Variants in CSNK1G1 observed in about 807,000 individuals in gnomAD.
CSNK1G1 encodes the protein casein kinase 1 gamma 1, also known as casein kinase I isoform gamma-1.
A neutral mutation model predicts 59.6 loss-of-function variants in CSNK1G1; 22 were observed. The ratio of observed to expected loss-of-function variants is 0.37; its 90% CI spans 0.26 to 0.53. The LOEUF is 0.53. Ranked by LOEUF, CSNK1G1 falls within the 20% of genes least tolerant of loss-of-function variation. The probability of loss-of-function intolerance (pLI) is 0.89; values close to 1 mark genes in which losing one functional copy is unlikely to be tolerated. For synonymous variants in CSNK1G1, 179 were observed against 177.1 expected (o/e 1.01, Z -0.08); for missense variants, 384 against 519.5 (o/e 0.74, Z 2.54).
intron 2 of CSNK1G1, among the ~76,000 whole-genome samples, chr15:64,291,324 C>T (rs529279030): frequency 2.6e-5 from 4 of 152,168 alleles, no homozygotes; most frequent in South Asian, 2.1e-4. Context: ...CAGTGGCTCA[C>T]GCCTGTAATC....
chr15:64,332,530 G>C (rs1315677519), intron 1 of CSNK1G1, among the ~76,000 whole-genome samples: 4 of 95,602 alleles, frequency 4.2e-5, no homozygotes, highest in East Asian at 3.9e-4. Flanking sequence ...GTGATGGGGT[G>C]GGGGGAGGGG....
chr15:64,220,498 A>C lies in CSNK1G1; in HGVS notation c.293-3785T>G, dbSNP rs1350282342. Among the ~76,000 whole-genome samples the C allele has an allele frequency of 6.9e-5, 10 of 144,400 alleles. No homozygotes were observed. The East Asian group carries it at 1.4e-3, about 20-fold the overall frequency. 94.7% of individuals were successfully genotyped at this position (144,400 alleles called of 152,430 possible). On this transcript the variant is annotated intron_variant, in intron 4 of 11. Coordinates refer to ENST00000303052, the MANE Select transcript of CSNK1G1 (RefSeq NM_022048.5). ...AGATGGAAGCAGAAATGAGTGTATA[A>C]CTCTTTTTTTTTTTTTTATTCAGAG... is the stretch of plus-strand genomic sequence containing the variant.
At position 64,341,205 on chromosome 15, in the gene CSNK1G1, C is replaced by CTA. The variant is rs1371505716; in HGVS notation, c.-225+14782_-225+14783insTA. ...TATTTTTAGTAGAGACGGGGTTTCA[C>CTA]CTTGTTAGCCAGGATGGTCTCAATC... On this transcript the variant is annotated intron_variant, in intron 1 of 11. Coordinates refer to ENST00000303052, the MANE Select transcript of CSNK1G1 (RefSeq NM_022048.5). Among the ~76,000 whole-genome samples the CTA allele has an allele frequency of 4.1e-4, 7 of 17,188 alleles. 2 individuals carry two copies. Among genetic ancestry groups the CTA allele is most frequent in the Non-Finnish European group, 2.0e-3 (4 of 2,040 alleles). The allele number at this position is 17,188 out of a possible 152,430, so 11.3% of individuals were successfully genotyped here. A position where few individuals can be genotyped will look rare whatever the true frequency, so the allele number is the denominator to read the frequency against.
intron 4 of CSNK1G1, among the ~76,000 whole-genome samples, chr15:64,245,763 GACAC>G (rs1891717837): frequency 1.3e-5 from 2 of 150,464 alleles, no homozygotes; most frequent in African/African-American, 4.9e-5. Flanking sequence ...AAAAAAAAAA[GACAC>G]ACACACAAAA....
chr15:64,231,254 A>T (rs1386162825), intron 4 of CSNK1G1, among the ~76,000 whole-genome samples: 1 of 149,802 alleles, frequency 6.7e-6, no homozygotes, highest in Admixed American at 6.7e-5. Flanking sequence ...TGAGCCCAGG[A>T]GGTTGAGGCT....
chr15:64,257,790 C>T, intron 3 of CSNK1G1, among the ~76,000 whole-genome samples: 1 of 152,158 alleles, frequency 6.6e-6, no homozygotes, highest in Non-Finnish European at 1.5e-5. Context: ...TCCTAAAGTG[C>T]TTGAATTACA....
chr15:64,227,202 T>C (rs1451209990), intron 4 of CSNK1G1, among the ~76,000 whole-genome samples: 1 of 152,246 alleles, frequency 6.6e-6, no homozygotes. Flanking sequence ...ATTTAAAATG[T>C]GCACGAATAC....
intron 2 of CSNK1G1, among the ~76,000 whole-genome samples, chr15:64,281,163 G>C (rs781204807): frequency 3.9e-5 from 6 of 152,188 alleles, no homozygotes; most frequent in Non-Finnish European, 7.4e-5. Flanking sequence ...ACAGGCATAC[G>C]CCACCATGCC....
chr15:64,218,198 TC>T (rs1211794219), intron 4 of CSNK1G1, among the ~76,000 whole-genome samples: 1 of 152,084 alleles, frequency 6.6e-6, no homozygotes, highest in African/African-American at 2.4e-5. Flanking sequence ...CAATCCTCCC[TC>T]CTTGGCCTCC....
Position 64,166,105 on chromosome 15 carries a change from GAGGC to G in CSNK1G1, c.*5822_*5825del, listed in dbSNP as rs1472186348. The G allele has an allele frequency of 3.3e-6, 2 of 599,652 alleles. No homozygotes were observed. Among genetic ancestry groups the G allele is most frequent in the Non-Finnish European group, 5.9e-6 (2 of 339,870 alleles). 37.1% of individuals were successfully genotyped at this position (599,652 alleles called of 1,614,324 possible). A position where few individuals can be genotyped will look rare whatever the true frequency, so the allele number is the denominator to read the frequency against. On this transcript the variant is annotated 3_prime_UTR_variant, in exon 12 of 12. Coordinates refer to ENST00000303052, the MANE Select transcript of CSNK1G1 (RefSeq NM_022048.5). The surrounding 1 kb of genome is among the most constrained non-coding windows in gnomAD (Gnocchi z 4.5). ...TCTAAAAAAAAAAAAAGTAAAAAAA[GAGGC>G]ATTTAACAATAATCAGACACATCCA...
intron 5 of CSNK1G1, among the ~76,000 whole-genome samples, chr15:64,215,324 T>A (rs572451796): frequency 6.7e-6 from 1 of 149,268 alleles, no homozygotes; most frequent in Non-Finnish European, 1.5e-5. Flanking sequence ...GCCATTCTCC[T>A]GCCTCAGCCT....
intron 2 of CSNK1G1, among the ~76,000 whole-genome samples, chr15:64,271,617 G>A (rs1005971238): frequency 4.6e-5 from 7 of 152,182 alleles, no homozygotes; most frequent in African/African-American, 7.2e-5. Context: ...GTACTGTGGT[G>A]CAAGAATGTG....
intron 1 of CSNK1G1, among the ~76,000 whole-genome samples, chr15:64,326,625 C>T (rs1368467399): frequency 6.6e-6 from 1 of 150,560 alleles, no homozygotes; most frequent in Non-Finnish European, 1.5e-5. Context: ...GCCTGGGTGA[C>T]AGAGCGAAAC....
intron 2 of CSNK1G1, among the ~76,000 whole-genome samples, chr15:64,278,372 A>ATGTGTGTGTGTGTGTGTGTGTG (rs1893884086): frequency 8.4e-6 from 1 of 119,038 alleles, no homozygotes; most frequent in Non-Finnish European, 1.8e-5. Context: ...ATATGCATGT[A>ATGTGTGTGTGTGTGTGTGTGTG]TGTGCGTGTG....
At chr15:64,203,469 G>C (rs1053608006) in intron 9 of CSNK1G1, among the ~76,000 whole-genome samples, 1 of 151,858 alleles carries the variant, frequency 6.6e-6, no homozygotes, top group African/African-American at 2.4e-5. Context: ...AGGCCGAGGT[G>C]AGTGGATCAC....
At chr15:64,330,037 T>G (rs1403696592) in intron 1 of CSNK1G1, among the ~76,000 whole-genome samples, 4 of 148,292 alleles carry the variant, frequency 2.7e-5, no homozygotes, top group Non-Finnish European at 6.0e-5. Flanking sequence ...TAATCAATAG[T>G]TTACCAACCA....
At chr15:64,292,897 C>A (rs1442966245) in intron 2 of CSNK1G1, among the ~76,000 whole-genome samples, 1 of 152,070 alleles carries the variant, frequency 6.6e-6, no homozygotes, top group East Asian at 1.9e-4. Context: ...CACTGCACTC[C>A]AGCCTGGTGA....
chr15:64,326,000 T>C (rs939375254), intron 1 of CSNK1G1, among the ~76,000 whole-genome samples: 6 of 152,174 alleles, frequency 3.9e-5, no homozygotes, highest in Admixed American at 2.6e-4. Flanking sequence ...GCTTTCAGTT[T>C]TGTAGTGTTT....
intron 4 of CSNK1G1, among the ~76,000 whole-genome samples, chr15:64,229,551 T>TCTCTCTCTCC (rs2082514427): frequency 4.6e-5 from 7 of 151,108 alleles, no homozygotes; most frequent in Admixed American, 4.0e-4. Flanking sequence ...TCTCTCTCTC[T>TCTCTCTCTCC]CCCTGATCGC....
Sources: gnomAD v4.1 joint callset for allele counts (sites outside exome capture counted in the v4.1 genomes callset) on GRCh38, gnomAD v4.1.1 for gene constraint, Gnocchi (gnomAD v3.1) non-coding constraint, MANE v1.5 for transcripts, NCBI Gene and HGNC (gene_info 2026-07-23, HGNC 2026-07-21) for gene names.